COL19A1: variants seen among roughly 807,000 people sequenced by gnomAD.
The protein encoded by COL19A1 is collagen type XIX alpha 1 chain.
A neutral mutation model predicts 190.2 loss-of-function variants in COL19A1; 159 were observed. The observed-to-expected ratio is 0.84, with a 90% CI of 0.73 to 0.95. The LOEUF (loss-of-function observed/expected upper bound fraction) is 0.95. COL19A1 is among the 40% of genes least tolerant of loss of function. The probability of loss-of-function intolerance (pLI) is 0.00; values close to 1 mark genes in which losing one functional copy is unlikely to be tolerated. For synonymous variants in COL19A1, 509 were observed against 458.9 expected (o/e 1.11, Z -1.39); for missense variants, 1,418 against 1,431.9 (o/e 0.99, Z 0.16).
chr6:69,884,407 T>G (rs531727435), intron 2 of COL19A1, among the ~76,000 whole-genome samples: 3 of 152,170 alleles, frequency 2.0e-5, no homozygotes, highest in African/African-American at 7.2e-5. Context: ...GATGTTATCT[T>G]AAGATTAGAA....
chr6:70,133,172 T>C (rs145535256), intron 18 of COL19A1, among the ~76,000 whole-genome samples: 7 of 152,334 alleles, frequency 4.6e-5, no homozygotes, highest in Non-Finnish European at 8.8e-5. Context: ...TAGAATAAAA[T>C]ATTTAACCAG....
chr6:69,946,323 G>A (rs1223250523), intron 9 of COL19A1, among the ~76,000 whole-genome samples: 1 of 151,822 alleles, frequency 6.6e-6, no homozygotes, highest in Non-Finnish European at 1.5e-5. Context: ...AACATATTTT[G>A]GTTTAACTAA....
chr6:70,058,966 AT>A (rs1780664807), intron 14 of COL19A1, among the ~76,000 whole-genome samples: 1 of 152,092 alleles, frequency 6.6e-6, no homozygotes, highest in Non-Finnish European at 1.5e-5. Context: ...ATAAAACAAA[AT>A]TTCATTCCGA....
chr6:69,874,510 G>T (rs1768016491), intron 1 of COL19A1, among the ~76,000 whole-genome samples: 1 of 152,188 alleles, frequency 6.6e-6, no homozygotes, highest in Non-Finnish European at 1.5e-5. Flanking sequence ...CCAGCACTTT[G>T]GGAGGCCAAG....
At chr6:70,153,995 A>C (rs994840601) in intron 31 of COL19A1, among the ~76,000 whole-genome samples, 3 of 152,052 alleles carry the variant, frequency 2.0e-5, no homozygotes, top group Non-Finnish European at 4.4e-5. Context: ...TCTGGGGTAC[A>C]TGTGCAGAAC....
At chr6:70,018,782 C>T (rs1309412387) in intron 11 of COL19A1, among the ~76,000 whole-genome samples, 1 of 152,100 alleles carries the variant, frequency 6.6e-6, no homozygotes, top group African/African-American at 2.4e-5. Context: ...ACTGGAAATC[C>T]TCTGAGGAAG....
chr6:69,943,685 T>C (rs1037758173), intron 9 of COL19A1, among the ~76,000 whole-genome samples: 5 of 152,154 alleles, frequency 3.3e-5, no homozygotes, highest in Non-Finnish European at 5.9e-5. Flanking sequence ...TCCTGGCACC[T>C]CTGTCAAAAA....
intron 11 of COL19A1, among the ~76,000 whole-genome samples, chr6:69,971,427 C>T (rs1024400979): frequency 2.0e-5 from 3 of 152,046 alleles, no homozygotes; most frequent in African/African-American, 7.2e-5. Context: ...GATAAAGAGG[C>T]CATGCAGAAA....
intron 41 of COL19A1, among the ~76,000 whole-genome samples, chr6:70,173,668 C>T (rs535737877): frequency 3.3e-5 from 5 of 152,064 alleles, no homozygotes; most frequent in South Asian, 4.2e-4. Flanking sequence ...TAGGAACAAC[C>T]GTGGACTTGA....
chr6:70,070,204 G>T (rs1397402983), intron 15 of COL19A1, among the ~76,000 whole-genome samples: 2 of 152,002 alleles, frequency 1.3e-5, no homozygotes, highest in African/African-American at 4.8e-5. Context: ...AAATAATAAT[G>T]CTTCAAATTA....
chr6:70,104,467 G>C (rs756327591), intron 16 of COL19A1, among the ~76,000 whole-genome samples: 14 of 152,072 alleles, frequency 9.2e-5, no homozygotes, highest in African/African-American at 1.4e-4. Context: ...AGCACTAGGG[G>C]GATAGTGCTA....
intron 11 of COL19A1, among the ~76,000 whole-genome samples, chr6:69,967,935 TAGCGTAAA>T (rs1562044161): frequency 6.1e-5 from 6 of 97,670 alleles, no homozygotes; most frequent in African/African-American, 5.7e-4. Context: ...AAAGTACACG[TAGCGTAAA>T]GTACACTTTG....
At position 69,944,492 on chromosome 6, in the gene COL19A1, G is replaced by T. The variant is rs115090447; in HGVS notation, c.936+6392G>T. ...GCTGAGCAAGGCAAAGATTCAATTT[G>T]CAAGGAAAGAATTAAATAATATTAT... On this transcript the variant is annotated intron_variant, in intron 9 of 50. Transcript: ENST00000620364. 3.0e-3 allele frequency among the ~76,000 whole-genome samples: 460 copies of T among 152,170 alleles called. 5 individuals carry two copies. Among genetic ancestry groups the T allele is most frequent in the African/African-American group, 0.01 (431 of 41,540 alleles).
intron 15 of COL19A1, among the ~76,000 whole-genome samples, chr6:70,072,685 G>T (rs143818632): frequency 9.2e-5 from 14 of 152,192 alleles, no homozygotes; most frequent in Non-Finnish European, 1.8e-4. Flanking sequence ...CTCCAAGCTG[G>T]CTTTGAAGCT....
At position 70,037,697 on chromosome 6, in the gene COL19A1, T is replaced by A. The variant is rs184003854; in HGVS notation, c.1170+1758T>A. 3.7e-4 allele frequency among the ~76,000 whole-genome samples: 57 copies of A among 152,356 alleles called. No homozygotes were observed. In the East Asian group the frequency reaches 6.6e-3, roughly 18 times the overall value. The stretch of plus-strand genomic sequence containing the variant: ...CATGTTGGAAGACTGATATGCAATC[T>A]ACATATATTATTTCGCCTGAAATAC... On this transcript the variant is annotated intron_variant, in intron 14 of 50. Coordinates refer to ENST00000620364, the MANE Select transcript of COL19A1 (RefSeq NM_001858.6).
chr6:69,918,430 C>T (rs1225954965), intron 4 of COL19A1, among the ~76,000 whole-genome samples: 1 of 152,134 alleles, frequency 6.6e-6, no homozygotes, highest in Admixed American at 6.6e-5. Context: ...GGGGTGGTGG[C>T]TCATGCCTGT....
At chr6:69,921,329 CA>C (rs1561997517) in intron 4 of COL19A1, among the ~76,000 whole-genome samples, 25 of 125,598 alleles carry the variant, frequency 2.0e-4, no homozygotes, top group African/African-American at 7.2e-4. Context: ...AATCATATAT[CA>C]TATATCTATA....
chr6:70,051,168 C>A (rs2150132384), intron 14 of COL19A1, among the ~76,000 whole-genome samples: 2 of 151,936 alleles, frequency 1.3e-5, no homozygotes, highest in South Asian at 4.2e-4. Flanking sequence ...TGTTCTTTTC[C>A]TTAAATCCCC....
At chr6:70,064,489 C>A (rs1781051783) in intron 14 of COL19A1, among the ~76,000 whole-genome samples, 1 of 151,976 alleles carries the variant, frequency 6.6e-6, no homozygotes, top group Non-Finnish European at 1.5e-5. Context: ...TTATGACAAA[C>A]CCACAGCCAA....
Sources: allele counts gnomAD v4.1 joint callset (sites outside exome capture counted in the v4.1 genomes callset), GRCh38; gene constraint gnomAD v4.1.1; transcripts MANE v1.5; gene names NCBI Gene and HGNC (gene_info 2026-07-23, HGNC 2026-07-21).